Variants in PRDM15 observed in about 807,000 individuals in gnomAD.
The protein encoded by PRDM15 is PR domain zinc finger protein 15.
Under a neutral mutation model 128.6 loss-of-function variants are expected in PRDM15, and 64 were observed. The observed-to-expected ratio is 0.50, with a 90% CI of 0.41 to 0.61. PRDM15 has a LOEUF of 0.61. Among genes scored for constraint, PRDM15 ranks in the 20% least tolerant of loss-of-function variants. PRDM15 has a pLI of 0.00. For missense variants in PRDM15, 1,242 were observed against 1,569.1 expected (o/e 0.79, Z 3.52); for synonymous variants, 615 against 621.8 (o/e 0.99, Z 0.16).
At chr21:41,817,870 TTCAG>T (rs1344100355) in intron 18 of PRDM15, among the ~76,000 whole-genome samples, 2 of 152,246 alleles carry the variant, frequency 1.3e-5, no homozygotes, top group African/African-American at 4.8e-5. Context: ...ATTTCAGCTA[TTCAG>T]AATTCATTTT....
Position 41,798,228 on chromosome 21 carries a change from A to G in PRDM15, c.*3012T>C, listed in dbSNP as rs1419354081. 6.6e-6 allele frequency: 1 copy of G among 152,222 alleles called. No individual in the cohort carries two copies. Among genetic ancestry groups the G allele is most frequent in the East Asian group, 1.9e-4 (1 of 5,198 alleles). 9.4% of individuals were successfully genotyped at this position (152,222 alleles called of 1,614,324 possible). A position where few individuals can be genotyped will look rare whatever the true frequency, so the allele number is the denominator to read the frequency against. ...AGCGGGAGCAGAAGGCCAGCAATTG[A>G]AAACACGGGTCACAGCACCTTTTAT... On this transcript the variant is annotated 3_prime_UTR_variant, in exon 24 of 24. Transcript: ENST00000398548.
Position 41,859,337 on chromosome 21 carries a change from C to A in PRDM15, c.131+255G>T. ...CTTCTGCAGCCTCCACACACTGTGTCGGGAACAGCTGGGCTCCAGCTAAGA... is the reference window on the plus strand; with the variant it reads ...CTTCTGCAGCCTCCACACACTGTGTAGGGAACAGCTGGGCTCCAGCTAAGA... On this transcript the variant is annotated intron_variant, in intron 3 of 23. Coordinates refer to ENST00000398548, the MANE Select transcript of PRDM15 (RefSeq NM_001040424.3). The surrounding 1 kb of genome is among the most constrained non-coding windows in gnomAD (Gnocchi z 5.3). 9.6e-7 allele frequency: 1 copy of A among 1,037,706 alleles called. No homozygotes were observed. Among genetic ancestry groups the A allele is most frequent in the South Asian group, 1.5e-5 (1 of 66,048 alleles). The allele number at this position is 1,037,706 out of a possible 1,614,324, so 64.3% of individuals were successfully genotyped here. A position where few individuals can be genotyped will look rare whatever the true frequency, so the allele number is the denominator to read the frequency against.
intron 1 of PRDM15, among the ~76,000 whole-genome samples, chr21:41,875,225 G>C (rs2064368546): frequency 6.6e-6 from 1 of 152,210 alleles, no homozygotes; most frequent in Non-Finnish European, 1.5e-5. Context: ...GCCTCCACAG[G>C]GGGTACCCCA....
intron 1 of PRDM15, among the ~76,000 whole-genome samples, chr21:41,873,755 G>T (rs1226332473): frequency 1.3e-5 from 2 of 152,148 alleles, no homozygotes; most frequent in African/African-American, 2.4e-5. Flanking sequence ...TCTTAAAAAT[G>T]GAAACTCTGC....
In PRDM15 at chr21:41,828,042, C is replaced by CA; in HGVS notation, c.1534+123dup. On this transcript the variant is annotated intron_variant, in intron 12 of 23. Transcript: ENST00000398548. The surrounding 1 kb of genome is among the most constrained non-coding windows in gnomAD (Gnocchi z 5.7). ...GAGCCCATCGGATGGCGGGCGTTTC[C>CA]AGGCAAAGGAGCAGGCGGCACCGAA... The CA allele has an allele frequency of 1.0e-6, 1 of 959,446 alleles. No homozygotes were observed. The highest frequency in any genetic ancestry group is 1.6e-6 in the Non-Finnish European group (1 of 636,014). 59.4% of individuals were successfully genotyped at this position (959,446 alleles called of 1,614,324 possible). A position where few individuals can be genotyped will look rare whatever the true frequency, so the allele number is the denominator to read the frequency against.
chr21:41,853,090 C>A (rs564437121), intron 5 of PRDM15, among the ~76,000 whole-genome samples: 1 of 152,254 alleles, frequency 6.6e-6, no homozygotes, highest in African/African-American at 2.4e-5. Flanking sequence ...CCTGCTGACA[C>A]CCTGACCGTG....
rs371858027 is a variant in PRDM15, at chr21:41,821,966, G to A, written c.1833C>T (p.Asn611=). 27 of 1,614,016 alleles carry A rather than the reference G, an allele frequency of 1.7e-5. No individual in the cohort carries two copies. The highest frequency in any genetic ancestry group is 8.0e-5 in the African/African-American group (6 of 74,932). The change falls in exon 15 of 24, where the codon AAC becomes AAT. Residue 611 remains asparagine, a synonymous_variant. Coordinates refer to ENST00000398548, the MANE Select transcript of PRDM15 (RefSeq NM_001040424.3). This position sits in a 1 kb window ranked among gnomAD's most constrained non-coding sequence, Gnocchi z 5.4. ...IGKIGISSEE[N]DDNSDESADS... ...CTGCGCTCTCGTCAGAATTGTCATC[G>A]TTTTCTTCCGAGGAGATCCCGATCT...
chr21:41,843,151 G>A lies in PRDM15; in HGVS notation c.641-3298C>T, dbSNP rs1038533791. On this transcript the variant is annotated intron_variant, in intron 6 of 23. Coordinates refer to ENST00000398548, the MANE Select transcript of PRDM15 (RefSeq NM_001040424.3). ...TGTTTTAAGTATATCTATAACCTTT[G>A]TTTTCTCTGGAGTTAATTAATGCCT... Among the ~76,000 whole-genome samples the A allele has an allele frequency of 1.2e-4, 19 of 152,002 alleles. 4 individuals are homozygous for A. The South Asian group carries it at 3.7e-3, about 30-fold the overall frequency.
Position 41,821,480 on chromosome 21 carries a change from T to C in PRDM15, c.1897-250A>G, listed in dbSNP as rs1486147731. On this transcript the variant is annotated intron_variant, in intron 15 of 23. Transcript: ENST00000398548. The surrounding 1 kb of genome is among the most constrained non-coding windows in gnomAD (Gnocchi z 5.4). ...CCTCCTTTTTGGAGAGCCCCTTCCATGCACAGGGGAGGCCTCGTGAGGGCT... is the reference window on the plus strand; with the variant it reads ...CCTCCTTTTTGGAGAGCCCCTTCCACGCACAGGGGAGGCCTCGTGAGGGCT... Among the ~76,000 whole-genome samples, 2 of 151,634 alleles carry C rather than the reference T, an allele frequency of 1.3e-5. No individual in the cohort carries two copies. Among genetic ancestry groups the C allele is most frequent in the African/African-American group, 4.8e-5 (2 of 41,332 alleles).
At position 41,819,601 on chromosome 21, in the gene PRDM15, C is replaced by T; in HGVS notation, c.2241G>A (p.Leu747=). 1 of 1,612,808 alleles carries T rather than the reference C, an allele frequency of 6.2e-7. No homozygotes were observed. Residue 747 remains leucine (L), a synonymous_variant, in exon 18 of 24, where the codon CTG becomes CTA. Transcript: ENST00000398548. ...MRVHDNVREY[L]CAECGKGMKT... is the part of the protein sequence containing the mutation. ...ACCCACCTTTCCCACACTCGGCACACAGGTACTCGCGGACATTGTCGTGCA... is the reference window on the plus strand; with the variant it reads ...ACCCACCTTTCCCACACTCGGCACATAGGTACTCGCGGACATTGTCGTGCA...
rs543998859 is a variant in PRDM15, at chr21:41,862,230, G to A, written c.-9-1858C>T. Among the ~76,000 whole-genome samples the A allele has an allele frequency of 4.6e-5, 7 of 152,208 alleles. No homozygotes were observed. Among genetic ancestry groups the A allele is most frequent in the Non-Finnish European group, 7.3e-5 (5 of 68,036 alleles). On this transcript the variant is annotated intron_variant, in intron 1 of 23. Transcript: ENST00000398548. This position sits in a 1 kb window ranked among gnomAD's most constrained non-coding sequence, Gnocchi z 4.1. ...GGTCAGGAGCTTGGGCGATGGGAACGATAGGCCTTAAGAGGCGCCCCACAC... is the reference window on the plus strand; with the variant it reads ...GGTCAGGAGCTTGGGCGATGGGAACAATAGGCCTTAAGAGGCGCCCCACAC...
chr21:41,831,206 G>A (rs1046633803), intron 11 of PRDM15, among the ~76,000 whole-genome samples: 8 of 152,238 alleles, frequency 5.3e-5, no homozygotes, highest in South Asian at 2.1e-4. Context: ...GCCGCCCTGC[G>A]CCTGTCCCTC....
Position 41,802,910 on chromosome 21 carries a change from A to C in PRDM15, c.2745T>G (p.Thr915=). Residue 915 remains threonine, a synonymous_variant, in exon 23 of 24, where the codon ACT becomes ACG. Transcript: ENST00000398548. ...CTTCGGCCAAATCCTCCTGCTCCAGAGTCAGCTCAGGCTGCAGAAAAATCG... is the reference window on the plus strand; with the variant it reads ...CTTCGGCCAAATCCTCCTGCTCCAGCGTCAGCTCAGGCTGCAGAAAAATCG... ...SSIGIVQPEL[T]LEQEDLAEGK... is the part of the protein sequence containing the mutation. The C allele has an allele frequency of 6.2e-7, 1 of 1,613,986 alleles. No homozygotes were observed. Among genetic ancestry groups the C allele is most frequent in the South Asian group, 1.1e-5 (1 of 91,080 alleles).
chr21:41,836,110 C>T lies in PRDM15; in HGVS notation c.1278+3G>A, dbSNP rs1424014799. The T allele has an allele frequency of 6.2e-7, 1 of 1,611,718 alleles. No homozygotes were observed. The highest frequency in any genetic ancestry group is 8.5e-7 in the Non-Finnish European group (1 of 1,178,142). ...AGAGAACCCTGGGCTTGTTTCCACC[C>T]ACCTCGTTCCTGCTGTGCTTGTAGG... On this transcript the variant is annotated splice_donor_region_variant and intron_variant, in intron 10 of 23. Transcript: ENST00000398548.
intron 21 of PRDM15, among the ~76,000 whole-genome samples, chr21:41,807,832 C>T (rs111484128): frequency 6.4e-4 from 97 of 152,320 alleles, no homozygotes; most frequent in Non-Finnish European, 1.2e-3. Context: ...CCCCGCACCA[C>T]CTTCCCTGGG....
At chr21:41,853,412 A>G (rs1358561951) in intron 5 of PRDM15, among the ~76,000 whole-genome samples, 1 of 152,206 alleles carries the variant, frequency 6.6e-6, no homozygotes, top group Non-Finnish European at 1.5e-5. Context: ...AGGAGAGTCA[A>G]TATCTATTTC....
At chr21:41,808,946 A>G (rs568066596) in intron 21 of PRDM15, among the ~76,000 whole-genome samples, 1 of 152,354 alleles carries the variant, frequency 6.6e-6, no homozygotes, top group South Asian at 2.1e-4. Flanking sequence ...CAACGGTGAG[A>G]GCGGCAACTC....
intron 1 of PRDM15, among the ~76,000 whole-genome samples, chr21:41,867,838 C>T (rs1251866388): frequency 6.6e-6 from 1 of 152,104 alleles, no homozygotes; most frequent in Non-Finnish European, 1.5e-5. Flanking sequence ...AGGTGAATCA[C>T]CTGAGGTCAG....
chr21:41,810,174 T>A lies in PRDM15; in HGVS notation c.2632A>T (p.Met878Leu). ...CTCACCTCGGGGTGCTTGCGCCGCA[T>A]GTGTCGGCTCATGGAGGCCCTGGTG... ...VSTRASMSRH[M>L]RRKHPEVLAV... is the part of the protein sequence containing the mutation. Residue 878 changes from methionine to leucine, a missense_variant, in exon 21 of 24, where the codon ATG becomes TTG. Physicochemically the swap from Met to Leu is conservative, Grantham distance 15. Transcript: ENST00000398548. The surrounding 1 kb of genome is among the most constrained non-coding windows in gnomAD (Gnocchi z 6.4). 1 of 1,610,630 alleles carries A rather than the reference T, an allele frequency of 6.2e-7. No individual in the cohort carries two copies. The highest frequency in any genetic ancestry group is 2.2e-5 in the East Asian group (1 of 44,820).
Sources: allele counts gnomAD v4.1 joint callset (sites outside exome capture counted in the v4.1 genomes callset), GRCh38; gene constraint gnomAD v4.1.1; non-coding constraint Gnocchi (gnomAD v3.1); transcripts MANE v1.5; gene names NCBI Gene and HGNC (gene_info 2026-07-23, HGNC 2026-07-21).